The following CDHR1 variants were observed in gnomAD, a reference collection of about 807,000 sequenced individuals.
The protein encoded by CDHR1 is cadherin related family member 1.
In CDHR1, 61 loss-of-function variants were observed where a neutral mutation model predicts 72.1. That is an observed-to-expected ratio of 0.85 (90% CI 0.69 to 1.05). The LOEUF is 1.05. Among genes scored for constraint, CDHR1 ranks in the 50% least tolerant of loss-of-function variants. The pLI, the probability that CDHR1 is intolerant of heterozygous loss-of-function variation, is 0.00. For synonymous variants in CDHR1, 470 were observed against 448.1 expected (o/e 1.05, Z -0.62); for missense variants, 1,186 against 1,115.7 (o/e 1.06, Z -0.90).
chr10:84,219,310 C>T, downstream of CDHR1: 1 of 1,545,266 alleles, frequency 6.5e-7, no homozygotes, highest in Non-Finnish European at 8.7e-7. Context: ...CTCCCTAGAC[C>T]ATTTTCCCTC....
chr10:84,212,994 C>T, intron 15 of CDHR1, 97 bp from the exon 16 acceptor site: 2 of 1,478,600 alleles, frequency 1.4e-6, no homozygotes, highest in Non-Finnish European at 1.9e-6. Flanking sequence ...GACCATTTCC[C>T]ATCAACCCAG....
rs375576650 is a variant in CDHR1 at position 84,211,125 on chromosome 10, C to T, written c.1445C>T (p.Pro482Leu). 33 of 1,614,130 alleles carry T rather than the reference C, an allele frequency of 2.0e-5. No individual in the cohort carries two copies. The African/African-American group carries it at 4.0e-4, about 20-fold the overall frequency. Residue 482 changes from proline to leucine, a missense_variant, in exon 13 of 17, where the codon CCT (proline) becomes CTT (leucine). Coordinates refer to ENST00000623527, the MANE Select transcript of CDHR1 (RefSeq NM_033100.4). ...FDSLYYVARIPENAPGGSSVV... is the reference protein window; with the variant it reads ...FDSLYYVARILENAPGGSSVV... The stretch of plus-strand genomic sequence containing the variant: ...TCCCTCTACTACGTTGCCAGGATTC[C>T]TGAGAACGCCCCAGGGGGCTCCAGC...
intron 14 of CDHR1, 149 bp downstream of exon 14, chr10:84,211,864 C>A: frequency 1.3e-6 from 1 of 789,790 alleles, no homozygotes; most frequent in Non-Finnish European, 2.2e-6. Context: ...AAAGCTGAAG[C>A]AGAGGGTGAG....
chr10:84,214,263 G>GCAAGC lies in CDHR1; in HGVS notation c.2223_2227dup (p.Arg743ProfsTer100). 1 of 1,613,442 alleles carries GCAAGC rather than the reference G, an allele frequency of 6.2e-7. No homozygotes were observed. The highest frequency in any genetic ancestry group is 8.5e-7 in the Non-Finnish European group (1 of 1,180,014). The stretch of plus-strand genomic sequence containing the variant: ...GTCCTGCCAATGCGGCGGGTGCTCC[G>GCAAGC]CAAGCGGCCCAGCCCTGCGCCCCGC... On this transcript the variant is annotated frameshift_variant, in exon 17 of 17. Transcript: ENST00000623527. LOFTEE classifies it low-confidence loss of function (END_TRUNC).
In CDHR1 at chr10:84,211,099, C is replaced by T; in HGVS notation, c.1419C>T (p.Asp473=). 6.2e-7 allele frequency: 1 copy of T among 1,614,256 alleles called. No homozygotes were observed. The highest frequency in any genetic ancestry group is 8.5e-7 in the Non-Finnish European group (1 of 1,180,052). ...CCAATGACAATGTCCCCAAGTTCGA[C>T]TCCCTCTACTACGTTGCCAGGATTC... ...LDTNDNVPKF[D]SLYYVARIPE... Residue 473 remains aspartate, a synonymous_variant, in exon 13 of 17, where the codon GAC becomes GAT. Transcript: ENST00000623527.
intron 2 of CDHR1, 25 bp from the exon 3 acceptor site, chr10:84,196,480 G>A: frequency 6.2e-7 from 1 of 1,614,080 alleles, no homozygotes; most frequent in Non-Finnish European, 8.5e-7. Context: ...CAGATTCTAT[G>A]TCTCTCCACT....
At chr10:84,203,209 T>C (rs1050269959) in intron 8 of CDHR1, 86 bp downstream of exon 8, 24 of 1,556,476 alleles carry the variant, frequency 1.5e-5, no homozygotes, top group Non-Finnish European at 1.8e-5. Context: ...CTGCTGGAGA[T>C]GGCTGGTCTG....
chr10:84,205,804 T>G, intron 9 of CDHR1, 23 bp from the exon 10 acceptor site: 2 of 1,571,318 alleles, frequency 1.3e-6, no homozygotes, highest in East Asian at 2.2e-5. Flanking sequence ...GTGCAGAACT[T>G]CAGGGTGCAT....
chr10:84,203,364 A>T (rs1842166433), intron 8 of CDHR1, among the ~76,000 whole-genome samples: 1 of 152,176 alleles, frequency 6.6e-6, no homozygotes, highest in African/African-American at 2.4e-5. Context: ...GCTACAGCTT[A>T]AGAACTCTGT....
chr10:84,198,275 T>C (rs1343506327), intron 4 of CDHR1, among the ~76,000 whole-genome samples: 1 of 152,186 alleles, frequency 6.6e-6, no homozygotes, highest in East Asian at 1.9e-4. Flanking sequence ...GCCTCTGAAG[T>C]TGTCACTATG....
chr10:84,196,653 A>G lies in CDHR1; in HGVS notation c.297+3A>G, dbSNP rs772992963. On this transcript the variant is annotated splice_donor_region_variant and intron_variant, in intron 3 of 16. Transcript: ENST00000623527. ...TGGTTGAAGAGCTGGACAGAGAGGT[A>G]TGGGGAGGTGTGGGGAGTGCTGCGG... The G allele has an allele frequency of 5.0e-6, 8 of 1,614,134 alleles. No homozygotes were observed. In the South Asian group the frequency reaches 7.7e-5, roughly 16 times the overall value.
At position 84,214,251 on chromosome 10, in the gene CDHR1, G is replaced by A. The variant is rs549060738; in HGVS notation, c.2210G>A (p.Arg737Gln). ...AAGTCTAACAAGGTCCTGCCAATGC[G>A]GCGGGTGCTCCGCAAGCGGCCCAGC... ...NKKSNKVLPM[R>Q]RVLRKRPSPA... The change falls in exon 17 of 17, where the codon CGG (arginine) becomes CAG (glutamine). Residue 737 changes from arginine to glutamine, a missense_variant. Transcript: ENST00000623527. 3 of 1,613,482 alleles carry A rather than the reference G, an allele frequency of 1.9e-6. No homozygotes were observed. Among genetic ancestry groups the A allele is most frequent in the Non-Finnish European group, 1.7e-6 (2 of 1,179,960 alleles).
downstream of CDHR1, chr10:84,218,712 T>TA (rs1842464458): frequency 1.2e-5 from 12 of 990,992 alleles, no homozygotes; most frequent in Non-Finnish European, 1.4e-5. Flanking sequence ...AACTGTAGCA[T>TA]CTTTTCAACA....
At chr10:84,219,546 A>G, downstream of CDHR1, 1 of 415,716 alleles carries the variant, frequency 2.4e-6, no homozygotes. Context: ...CACCCTCAAG[A>G]TCCGTAGACC....
intron 10 of CDHR1, among the ~76,000 whole-genome samples, chr10:84,206,419 T>G (rs1359913465): frequency 6.6e-6 from 1 of 152,170 alleles, no homozygotes; most frequent in Non-Finnish European, 1.5e-5. Flanking sequence ...ACCTGTGAAG[T>G]CACACAAGGA....
In CDHR1 at chr10:84,199,031, G is replaced by A. The variant is rs1454454616; in HGVS notation, c.349-1G>A. 3 of 1,551,614 alleles carry A rather than the reference G, an allele frequency of 1.9e-6. No individual in the cohort carries two copies. The highest frequency in any genetic ancestry group is 2.6e-6 in the Non-Finnish European group (3 of 1,146,946). ...CTCTTGACCCCTCTGCCCCTTCTCA[G>A]GTGGCCGAAAAAGTCGTGATCCTGG... On this transcript the variant is annotated splice_acceptor_variant, in intron 4 of 16. Coordinates refer to ENST00000623527, the MANE Select transcript of CDHR1 (RefSeq NM_033100.4). LOFTEE classifies it high-confidence loss of function.
In CDHR1 at chr10:84,196,633, G is replaced by A; in HGVS notation, c.280G>A (p.Glu94Lys). The change falls in exon 3 of 17, where the codon GAA becomes AAA. Residue 94 changes from glutamate to lysine, a missense_variant. Coordinates refer to ENST00000623527, the MANE Select transcript of CDHR1 (RefSeq NM_033100.4). ...DPTFGNITLV[E>K]ELDREREDEI... Reference sequence around the variant, plus strand: ...CACTTTTGGAAACATCACCCTGGTTGAAGAGCTGGACAGAGAGGTATGGGG... The same window carrying A: ...CACTTTTGGAAACATCACCCTGGTTAAAGAGCTGGACAGAGAGGTATGGGG... 1.2e-6 allele frequency: 2 copies of A among 1,614,192 alleles called. No individual in the cohort carries two copies. Among genetic ancestry groups the A allele is most frequent in the Non-Finnish European group, 1.7e-6 (2 of 1,180,030 alleles).
chr10:84,217,547 A>G lies in CDHR1; in HGVS notation c.*2926A>G. 1.0e-6 allele frequency: 1 copy of G among 981,292 alleles called. No homozygotes were observed. 60.8% of individuals were successfully genotyped at this position (981,292 alleles called of 1,614,324 possible). On this transcript the variant is annotated 3_prime_UTR_variant, in exon 17 of 17. Transcript: ENST00000623527. ...CTTTCCTCATTAACACAGGGTGCAA[A>G]GTATGGTTGCAGAGAGGATGAAAAG...
chr10:84,200,595 C>A lies in CDHR1; in HGVS notation c.439-6C>A. On this transcript the variant is annotated splice_region_variant and splice_polypyrimidine_tract_variant and intron_variant, in intron 5 of 16. Coordinates refer to ENST00000623527, the MANE Select transcript of CDHR1 (RefSeq NM_033100.4). ...TGACCCTCCCCTGTGGCTGTGACCC[C>A]CTCAGGACATACCTGCTGGGAGCAT... 1 of 1,605,848 alleles carries A rather than the reference C, an allele frequency of 6.2e-7. No homozygotes were observed. The highest frequency in any genetic ancestry group is 2.2e-5 in the East Asian group (1 of 44,756).
Sources: allele counts gnomAD v4.1 joint callset (sites outside exome capture counted in the v4.1 genomes callset), GRCh38; gene constraint gnomAD v4.1.1; transcripts MANE v1.5; gene names NCBI Gene and HGNC (gene_info 2026-07-23, HGNC 2026-07-21).